Variants in RANBP17 observed in about 807,000 individuals in gnomAD.
The protein encoded by RANBP17 is RAN binding protein 17, also known as ran-binding protein 17.
RANBP17 carries 158 observed loss-of-function variants against 141.2 expected under a neutral mutation model. The ratio of observed to expected loss-of-function variants is 1.12; its 90% CI spans 0.98 to 1.28. The LOEUF (loss-of-function observed/expected upper bound fraction) is 1.28. Ranked by LOEUF, RANBP17 falls within the 50% of genes most tolerant of loss-of-function variation. The pLI, the probability that RANBP17 is intolerant of heterozygous loss-of-function variation, is 0.00. For missense variants in RANBP17, 1,438 were observed against 1,290.7 expected, an observed-to-expected ratio of 1.11 and a Z score of -1.75; for synonymous variants, 430 against 450.0, an observed-to-expected ratio of 0.96 and a Z score of 0.56.
chr5:171,008,689 A>T (rs1779826029), intron 14 of RANBP17, among the ~76,000 whole-genome samples: 1 of 152,224 alleles, frequency 6.6e-6, no homozygotes, highest in Non-Finnish European at 1.5e-5. Context: ...TACATTCATC[A>T]GTTACGGTGG....
intron 19 of RANBP17, among the ~76,000 whole-genome samples, chr5:171,204,324 C>T (rs1047518158): frequency 6.6e-6 from 1 of 152,072 alleles, no homozygotes; most frequent in African/African-American, 2.4e-5. Context: ...ATGAGAAATT[C>T]TAGATACTTC....
chr5:171,070,217 G>T (rs1784555751), intron 14 of RANBP17, among the ~76,000 whole-genome samples: 1 of 152,032 alleles, frequency 6.6e-6, no homozygotes, highest in African/African-American at 2.4e-5. Context: ...ATTGAAATAA[G>T]ACTAATTCTG....
intron 13 of RANBP17, among the ~76,000 whole-genome samples, chr5:170,958,948 C>T (rs1251185546): frequency 6.6e-6 from 1 of 152,136 alleles, no homozygotes; most frequent in Non-Finnish European, 1.5e-5. Flanking sequence ...ATCATGCATC[C>T]TGTTAACTCA....
At chr5:171,220,565 C>T (rs1383055521) in intron 21 of RANBP17, among the ~76,000 whole-genome samples, 1 of 150,734 alleles carries the variant, frequency 6.6e-6, no homozygotes, top group Non-Finnish European at 1.5e-5. Flanking sequence ...TCTCCTGCCT[C>T]AGCCTCCTGA....
rs78728561 is a variant in RANBP17, at chr5:170,896,491, A to C, written c.489+376A>C. ...CAAATAAAATATAGGTGGTTTGAGG[A>C]ATTGATTCTCAACAATGGATACACA... is the stretch of plus-strand genomic sequence containing the variant. On this transcript the variant is annotated intron_variant, in intron 5 of 27. Transcript: ENST00000523189. Among the ~76,000 whole-genome samples, 331 of 152,312 alleles carry C rather than the reference A, an allele frequency of 2.2e-3. 9 individuals carry two copies. In the East Asian group the frequency reaches 0.022, roughly 10 times the overall value.
At position 171,205,513 on chromosome 5, in the gene RANBP17, C is replaced by T; in HGVS notation, c.2143-11C>T. 6.2e-7 allele frequency: 1 copy of T among 1,611,906 alleles called. No homozygotes were observed. The highest frequency in any genetic ancestry group is 8.5e-7 in the Non-Finnish European group (1 of 1,178,154). On this transcript the variant is annotated splice_polypyrimidine_tract_variant and intron_variant, in intron 19 of 27. Transcript: ENST00000523189. ...TGAAAATCAATTACTGTGTCTCTTT[C>T]CCACTGACAGCGTATGTTGATCGGG...
chr5:171,296,151 A>G (rs189909893), intron 27 of RANBP17, 137 bp downstream of exon 27: 2 of 818,502 alleles, frequency 2.4e-6, no homozygotes, highest in East Asian at 5.7e-5. Flanking sequence ...ACTCAGTTCC[A>G]TTCCATTCAG....
rs146170658 is a variant in RANBP17 at position 171,093,073 on chromosome 5, T to C, written c.1711-77057T>C. 4.0e-3 allele frequency among the ~76,000 whole-genome samples: 605 copies of C among 152,170 alleles called. 4 individuals carry two copies. Among genetic ancestry groups the C allele is most frequent in the African/African-American group, 0.014 (582 of 41,526 alleles). ...ACAGCTGTGCTTTAGTGCCCCAAAT[T>C]TGTTATTAAGCCCATAATCCCAGCT... On this transcript the variant is annotated intron_variant, in intron 14 of 27. Transcript: ENST00000523189.
intron 14 of RANBP17, among the ~76,000 whole-genome samples, chr5:171,083,477 T>C (rs748357284): frequency 2.6e-5 from 4 of 152,236 alleles, no homozygotes; most frequent in African/African-American, 4.8e-5. Context: ...CTAAGCCACC[T>C]GGTCTATGGT....
intron 14 of RANBP17, among the ~76,000 whole-genome samples, chr5:171,060,945 T>A (rs1159039070): frequency 1.1e-5 from 1 of 92,370 alleles, no homozygotes; most frequent in African/African-American, 3.9e-5. Context: ...TCTAGTTTAT[T>A]TGCGTAGAGG....
At chr5:171,216,391 T>C (rs889473179) in intron 21 of RANBP17, among the ~76,000 whole-genome samples, 9 of 152,212 alleles carry the variant, frequency 5.9e-5, no homozygotes, top group Non-Finnish European at 7.3e-5. Context: ...ACGTGCCCTT[T>C]TTTGGTTCCA....
At chr5:170,902,139 C>T (rs2127404854) in intron 5 of RANBP17, among the ~76,000 whole-genome samples, 1 of 152,306 alleles carries the variant, frequency 6.6e-6, no homozygotes, top group East Asian at 1.9e-4. Context: ...TCCATTCTCC[C>T]CATCACTTTC....
Position 170,873,549 on chromosome 5 carries a change from A to G in RANBP17, c.19-4548A>G, listed in dbSNP as rs374810547. 4.5e-4 allele frequency among the ~76,000 whole-genome samples: 69 copies of G among 152,246 alleles called. 1 individual carries two copies. The highest frequency in any genetic ancestry group is 3.7e-3 in the South Asian group (18 of 4,816). The stretch of plus-strand genomic sequence containing the variant: ...AACTATTGGTCTAATCAAGGATTCT[A>G]CTTCTTCCTGGTTTAGTGTTGTGAG... On this transcript the variant is annotated intron_variant, in intron 1 of 27. Transcript: ENST00000523189.
At chr5:170,981,661 G>A (rs1015561748) in intron 14 of RANBP17, among the ~76,000 whole-genome samples, 2 of 151,958 alleles carry the variant, frequency 1.3e-5, no homozygotes, top group Non-Finnish European at 2.9e-5. Context: ...GAAACTGTAA[G>A]TCCGTAAACC....
At chr5:170,945,226 G>A (rs750034463) in intron 12 of RANBP17, among the ~76,000 whole-genome samples, 10 of 152,058 alleles carry the variant, frequency 6.6e-5, no homozygotes, top group Non-Finnish European at 1.0e-4. Context: ...ATTGTAATAA[G>A]CCTCTTTGGT....
intron 25 of RANBP17, chr5:171,271,323 A>AT (rs2128026955): frequency 4.7e-6 from 1 of 212,252 alleles, no homozygotes; most frequent in South Asian, 1.9e-4. Context: ...CTCTTTTTTC[A>AT]TTTCTGTGTT....
intron 24 of RANBP17, among the ~76,000 whole-genome samples, chr5:171,261,039 A>G (rs1247840244): frequency 6.6e-6 from 1 of 151,340 alleles, no homozygotes; most frequent in African/African-American, 2.4e-5. Context: ...ACATTTAGGA[A>G]ATATTTAGAA....
In RANBP17 at chr5:171,213,639, C is replaced by A. The variant is rs201127616; in HGVS notation, c.2240C>A (p.Thr747Lys). The change falls in exon 21 of 28, where the codon ACG becomes AAG. Residue 747 changes from threonine (T) to lysine (K), a missense_variant. Transcript: ENST00000523189. ...YTMLFDWMYP[T>K]YLPLLQNAVE... The stretch of plus-strand genomic sequence containing the variant: ...AACAGGCTTTATAAAAGGTACCCAA[C>A]GTACCTTCCCCTTCTTCAGAATGCT... 4 of 1,610,786 alleles carry A rather than the reference C, an allele frequency of 2.5e-6. No individual in the cohort carries two copies. The South Asian group carries it at 4.4e-5, about 18-fold the overall frequency.
intron 14 of RANBP17, among the ~76,000 whole-genome samples, chr5:171,038,162 TTGTGTGTGTGTGTG>T (rs61652416): frequency 8.3e-5 from 12 of 144,756 alleles, no homozygotes; most frequent in Non-Finnish European, 1.5e-4. Flanking sequence ...TTCTTAGGTA[TTGTGTGTGTGTGTG>T]TGTGTGTGTG....
Sources: allele counts gnomAD v4.1 joint callset (sites outside exome capture counted in the v4.1 genomes callset), GRCh38; gene constraint gnomAD v4.1.1; transcripts MANE v1.5; gene names NCBI Gene and HGNC (gene_info 2026-07-23, HGNC 2026-07-21).